The following ATXN7 variants were observed in gnomAD, a reference collection of about 807,000 sequenced individuals.
The protein encoded by ATXN7 is ataxin 7.
Under a neutral mutation model 70.5 loss-of-function variants are expected in ATXN7, and 12 were observed. The observed-to-expected ratio is 0.17, with a 90% CI of 0.11 to 0.28. The LOEUF (loss-of-function observed/expected upper bound fraction) is 0.28. ATXN7 is among the 10% of genes least tolerant of loss of function. The pLI, the probability that ATXN7 is intolerant of heterozygous loss-of-function variation, is 1.00. For synonymous variants in ATXN7, 498 were observed against 448.7 expected (o/e 1.11, Z -1.39); for missense variants, 1,256 against 1,131.7 (o/e 1.11, Z -1.58).
chr3:63,968,007 G>A (rs953713645), intron 5 of ATXN7: 13 of 1,515,514 alleles, frequency 8.6e-6, no homozygotes, highest in Non-Finnish European at 1.2e-5. Flanking sequence ...TCAGAGTCTG[G>A]GCTTGGCTCA....
At chr3:63,937,434 T>G (rs896697256) in intron 4 of ATXN7, among the ~76,000 whole-genome samples, 14 of 152,210 alleles carry the variant, frequency 9.2e-5, no homozygotes, top group Non-Finnish European at 2.1e-4. Flanking sequence ...CAACCCCTAC[T>G]CAAATCATTT....
At chr3:63,942,233 G>A (rs2074781100) in intron 4 of ATXN7, among the ~76,000 whole-genome samples, 2 of 152,196 alleles carry the variant, frequency 1.3e-5, no homozygotes, top group African/African-American at 4.8e-5. Flanking sequence ...CATCTAATAA[G>A]ATGGTAAAGA....
intron 4 of ATXN7, among the ~76,000 whole-genome samples, chr3:63,926,326 A>T (rs991993185): frequency 2.0e-5 from 3 of 152,226 alleles, no homozygotes; most frequent in Non-Finnish European, 4.4e-5. Flanking sequence ...TTGGAAAAAG[A>T]TGAAGTATGG....
intron 5 of ATXN7, among the ~76,000 whole-genome samples, chr3:63,974,869 A>T (rs935664474): frequency 6.6e-6 from 1 of 152,208 alleles, no homozygotes; most frequent in Non-Finnish European, 1.5e-5. Flanking sequence ...GTGAGTTACC[A>T]TGAGATGGTG....
At chr3:63,905,295 C>G (rs1703799049) in intron 2 of ATXN7, 1 of 152,200 alleles carries the variant, frequency 6.6e-6, no homozygotes, top group East Asian at 1.9e-4. Flanking sequence ...ACTGCAACCT[C>G]TGACTCCCTA....
chr3:63,992,354 C>G (rs2075685961), intron 11 of ATXN7, among the ~76,000 whole-genome samples: 1 of 152,166 alleles, frequency 6.6e-6, no homozygotes, highest in East Asian at 1.9e-4. Context: ...TGGCTAGACA[C>G]AGAATCAGGG....
At position 63,980,049 on chromosome 3, in the gene ATXN7, C is replaced by T. The variant is rs750956545; in HGVS notation, c.634C>T (p.Leu212Phe). 6.2e-7 allele frequency: 1 copy of T among 1,614,152 alleles called. No homozygotes were observed. Among genetic ancestry groups the T allele is most frequent in the South Asian group, 1.1e-5 (1 of 91,086 alleles). Residue 212 changes from leucine to phenylalanine, a missense_variant, in exon 6 of 13, where the codon CTT becomes TTT. Transcript: ENST00000674280. ...CAACCGTTCTTCCAGTGGAGGTGTT[C>T]TTAGCGCATCCTCATCAAGTTCCAA... Reference protein sequence around the residue: ...GSNRSSSGGVLSASSSSSKLL... With the variant: ...GSNRSSSGGVFSASSSSSKLL...
At chr3:63,917,888 GTGTGTT>G (rs2107310929) in intron 4 of ATXN7, among the ~76,000 whole-genome samples, 1 of 152,358 alleles carries the variant, frequency 6.6e-6, no homozygotes, top group East Asian at 1.9e-4. Context: ...CTGTGTGTTT[GTGTGTT>G]TAGGGGGTGT....
At position 63,990,233 on chromosome 3, in the gene ATXN7, C is replaced by G; in HGVS notation, c.1419C>G (p.Val473=). The change falls in exon 10 of 13, where the codon GTC becomes GTG. Residue 473 remains valine, a synonymous_variant. Coordinates refer to ENST00000674280, the MANE Select transcript of ATXN7 (RefSeq NM_001377405.1). The part of the protein sequence containing the change: ...GGSAPIDPPP[V]HESPHPPLPA... ...GTGCCCCCATTGACCCTCCTCCAGT[C>G]CATGAATCTCCACACCCTCCCCTGC... is the stretch of plus-strand genomic sequence containing the variant. 1 of 1,613,976 alleles carries G rather than the reference C, an allele frequency of 6.2e-7. No individual in the cohort carries two copies. Among genetic ancestry groups the G allele is most frequent in the Non-Finnish European group, 8.5e-7 (1 of 1,180,018 alleles).
intron 5 of ATXN7, among the ~76,000 whole-genome samples, chr3:63,969,193 G>A (rs2106717270): frequency 6.6e-6 from 1 of 152,298 alleles, no homozygotes; most frequent in South Asian, 2.1e-4. Flanking sequence ...TTAAAAGAAT[G>A]TATAATGAAG....
chr3:63,940,887 A>T (rs2074750262), intron 4 of ATXN7, among the ~76,000 whole-genome samples: 1 of 152,182 alleles, frequency 6.6e-6, no homozygotes, highest in Non-Finnish European at 1.5e-5. Flanking sequence ...CAGATTTGGG[A>T]CACATGGCAT....
chr3:63,905,941 AGTAATT>A (rs1423748142), intron 2 of ATXN7: 1 of 152,214 alleles, frequency 6.6e-6, no homozygotes, highest in Non-Finnish European at 1.5e-5. Flanking sequence ...GAGTGTGGTT[AGTAATT>A]GTGTGTTTCT....
In ATXN7 at chr3:63,953,303, C is replaced by A. The variant is rs78074481; in HGVS notation, c.499+820C>A. ...AGTCCTAAGTGATGAGAAGGAGCAA[C>A]TCGGGCAGCAATCTAGAATAAGAGC... On this transcript the variant is annotated intron_variant, in intron 5 of 12. Transcript: ENST00000674280. 1.0e-2 allele frequency among the ~76,000 whole-genome samples: 1,516 copies of A among 152,176 alleles called. 81 individuals are homozygous for A. In the East Asian group the frequency reaches 0.12, roughly 12 times the overall value.
chr3:63,962,122 A>G (rs1356418077), intron 5 of ATXN7, among the ~76,000 whole-genome samples: 5 of 152,218 alleles, frequency 3.3e-5, no homozygotes, highest in African/African-American at 1.2e-4. Context: ...GGAGGGGCCC[A>G]ATAGCTAAAT....
intron 2 of ATXN7, among the ~76,000 whole-genome samples, chr3:63,908,839 C>T (rs974113115): frequency 1.3e-5 from 2 of 152,192 alleles, no homozygotes; most frequent in African/African-American, 4.8e-5. Flanking sequence ...TTGGCATCTA[C>T]TGAGAACATC....
intron 4 of ATXN7, among the ~76,000 whole-genome samples, chr3:63,917,764 T>C (rs1029977964): frequency 6.6e-6 from 1 of 152,218 alleles, no homozygotes; most frequent in African/African-American, 2.4e-5. Flanking sequence ...CAGTAAATAT[T>C]TGCCCCAAAA....
intron 5 of ATXN7, among the ~76,000 whole-genome samples, chr3:63,960,519 A>G (rs1280420435): frequency 6.6e-6 from 1 of 152,158 alleles, no homozygotes; most frequent in East Asian, 1.9e-4. Flanking sequence ...GGATCAGGAG[A>G]GAAAGCTTAG....
chr3:63,987,063 G>A (rs1369119574), intron 8 of ATXN7, among the ~76,000 whole-genome samples: 1 of 152,168 alleles, frequency 6.6e-6, no homozygotes, highest in Admixed American at 6.5e-5. Context: ...GAATGGTCAG[G>A]TTTAACTTGA....
At chr3:63,970,869 G>A (rs2075300966) in intron 5 of ATXN7, among the ~76,000 whole-genome samples, 1 of 152,202 alleles carries the variant, frequency 6.6e-6, no homozygotes, top group African/African-American at 2.4e-5. Context: ...AATGCCAGGA[G>A]ACCCGAATAC....
Sources: gnomAD v4.1 joint callset for allele counts (sites outside exome capture counted in the v4.1 genomes callset) on GRCh38, gnomAD v4.1.1 for gene constraint, MANE v1.5 for transcripts, NCBI Gene and HGNC (gene_info 2026-07-23, HGNC 2026-07-21) for gene names.